LMO7: variants seen among roughly 807,000 people sequenced by gnomAD.
LMO7 encodes the protein LIM domain only protein 7.
A neutral mutation model predicts 206.5 loss-of-function variants in LMO7; 120 were observed. The observed-to-expected ratio is 0.58, with a 90% confidence interval of 0.50 to 0.68. LMO7 has a LOEUF of 0.68. LMO7 is among the 30% of genes least tolerant of loss of function. The pLI is 0.00. For synonymous variants in LMO7, 706 were observed against 681.5 expected (o/e 1.04, Z -0.56); for missense variants, 1,959 against 1,957.9 (o/e 1.00, Z -0.01).
intron 4 of LMO7, among the ~76,000 whole-genome samples, chr13:75,794,262 A>G (rs1338863264): frequency 1.3e-5 from 2 of 152,172 alleles, no homozygotes; most frequent in African/African-American, 2.4e-5. Flanking sequence ...AGTTGTACCA[A>G]TTTACATTTC....
intron 1 of LMO7, among the ~76,000 whole-genome samples, chr13:75,642,442 CAAAAAAAAAAAAAA>C (rs5804829): frequency 2.8e-5 from 2 of 72,360 alleles, no homozygotes; most frequent in Non-Finnish European, 5.0e-5. Context: ...CCATCTCTAC[CAAAAAAAAAAAAAA>C]AAAAAAAAAG....
intron 1 of LMO7, among the ~76,000 whole-genome samples, chr13:75,646,574 ACT>A (rs1491362137): frequency 2.5e-5 from 3 of 117,920 alleles, no homozygotes; most frequent in African/African-American, 8.6e-5. Context: ...TGTAGAGAGA[ACT>A]TTTTTTTTTT....
chr13:75,631,150 C>G (rs764554937), intron 2 of LMO7: 1 of 152,176 alleles, frequency 6.6e-6, no homozygotes, highest in Non-Finnish European at 1.5e-5. Context: ...CCTCAGCCTG[C>G]CAAGTGGCTG....
rs1384434029 is a variant in LMO7 at position 75,742,712 on chromosome 13, A to G, written c.210+15614A>G. Among the ~76,000 whole-genome samples, 3 of 152,264 alleles carry G rather than the reference A, an allele frequency of 2.0e-5. 1 individual carries two copies. The highest frequency in any genetic ancestry group is 7.2e-5 in the African/African-American group (3 of 41,476). ...TGGAACTTTTCCTTGTACCATATAC[A>G]AAAATTAACTCAAGATGGATTAAAG... On this transcript the variant is annotated intron_variant, in intron 3 of 30. Transcript: ENST00000377534.
intron 1 of LMO7, among the ~76,000 whole-genome samples, chr13:75,673,222 C>A (rs2039739310): frequency 6.6e-6 from 1 of 151,892 alleles, no homozygotes; most frequent in Non-Finnish European, 1.5e-5. Flanking sequence ...CCTTTTTTTT[C>A]ATGATCTACT....
At chr13:75,830,302 A>G (rs545194424) in intron 15 of LMO7, among the ~76,000 whole-genome samples, 2 of 148,958 alleles carry the variant, frequency 1.3e-5, no homozygotes, top group African/African-American at 4.8e-5. Context: ...AGGCCCCACA[A>G]GTGGGGCTCT....
At chr13:75,795,085 CA>C (rs1480056990) in intron 4 of LMO7, among the ~76,000 whole-genome samples, 3 of 151,504 alleles carry the variant, frequency 2.0e-5, no homozygotes, top group African/African-American at 7.3e-5. Flanking sequence ...GAAGGAAATA[CA>C]AAAAATGCAC....
chr13:75,805,307 A>G (rs2055299083), intron 8 of LMO7, 172 bp from the exon 9 acceptor site: 2 of 928,560 alleles, frequency 2.2e-6, no homozygotes, highest in Non-Finnish European at 1.6e-6. Flanking sequence ...CTTGAGTTAA[A>G]ATGAGATGCT....
At chr13:75,634,759 A>C (rs1165337026), upstream of LMO7, among the ~76,000 whole-genome samples, 1 of 151,974 alleles carries the variant, frequency 6.6e-6, no homozygotes, top group African/African-American at 2.4e-5. Flanking sequence ...CAAACAAACA[A>C]GAACTTTGGG....
chr13:75,757,066 G>A (rs944892059), intron 3 of LMO7, among the ~76,000 whole-genome samples: 4 of 152,184 alleles, frequency 2.6e-5, no homozygotes, highest in African/African-American at 9.7e-5. Context: ...ATGATGGAAT[G>A]TGACTTCAAA....
chr13:75,742,070 A>G (rs2046458073), intron 3 of LMO7, among the ~76,000 whole-genome samples: 4 of 152,210 alleles, frequency 2.6e-5, no homozygotes, highest in Admixed American at 2.6e-4. Flanking sequence ...TAGCATTCCT[A>G]TACGTTAACT....
intron 1 of LMO7, among the ~76,000 whole-genome samples, chr13:75,676,103 G>T (rs994837529): frequency 6.6e-6 from 1 of 152,188 alleles, no homozygotes. Flanking sequence ...TTAGCATCCT[G>T]CCTGGAGCGT....
At chr13:75,636,048 G>T, upstream of LMO7, 1 of 154,088 alleles carries the variant, frequency 6.5e-6, no homozygotes, top group South Asian at 2.0e-4. Flanking sequence ...GGGCCAGGCG[G>T]GCGGGTGCGG....
intron 4 of LMO7, among the ~76,000 whole-genome samples, chr13:75,776,734 A>G (rs560099289): frequency 5.9e-5 from 9 of 152,192 alleles, no homozygotes; most frequent in Non-Finnish European, 7.3e-5. Context: ...AGAGTGCTTC[A>G]TCATGCATGT....
chr13:75,778,592 G>A (rs933351598), intron 4 of LMO7, among the ~76,000 whole-genome samples: 2 of 152,160 alleles, frequency 1.3e-5, no homozygotes, highest in Non-Finnish European at 1.5e-5. Flanking sequence ...GGCATATTGA[G>A]TTTTTTTGAA....
At chr13:75,851,861 T>C (rs908279321) in intron 27 of LMO7, among the ~76,000 whole-genome samples, 3 of 152,162 alleles carry the variant, frequency 2.0e-5, no homozygotes, top group Non-Finnish European at 4.4e-5. Context: ...AATGAGACCT[T>C]CACAGGAGGC....
At chr13:75,708,946 G>A (rs570136470) in intron 1 of LMO7, among the ~76,000 whole-genome samples, 4 of 149,706 alleles carry the variant, frequency 2.7e-5, no homozygotes, top group East Asian at 2.0e-4. Flanking sequence ...ATCCCTCCCC[G>A]CTCCCCCCAC....
At chr13:75,681,706 G>GTATATATATATATATA (rs150463472) in intron 1 of LMO7, among the ~76,000 whole-genome samples, 1 of 93,328 alleles carries the variant, frequency 1.1e-5, no homozygotes, top group Admixed American at 1.4e-4. Context: ...GTATGTATGT[G>GTATATATATATATATA]TATATATATA....
At chr13:75,768,450 G>A (rs1745625331) in intron 4 of LMO7, among the ~76,000 whole-genome samples, 1 of 152,068 alleles carries the variant, frequency 6.6e-6, no homozygotes. Context: ...TCTTGCCTCT[G>A]TGTATGTGGG....
Sources: allele counts gnomAD v4.1 joint callset (sites outside exome capture counted in the v4.1 genomes callset), GRCh38; gene constraint gnomAD v4.1.1; transcripts MANE v1.5; gene names NCBI Gene and HGNC (gene_info 2026-07-23, HGNC 2026-07-21).